Variants in COL28A1 observed in about 807,000 individuals in gnomAD.
The protein encoded by COL28A1 is collagen alpha-1(XXVIII) chain.
COL28A1 carries 161 observed loss-of-function variants against 150.2 expected under a neutral mutation model. The ratio of observed to expected loss-of-function variants is 1.07; its 90% CI spans 0.94 to 1.22. The LOEUF (loss-of-function observed/expected upper bound fraction) is 1.22, where lower values mean the gene tolerates loss of function less well. Ranked by LOEUF, COL28A1 falls within the 50% of genes most tolerant of loss-of-function variation. The pLI, the probability that COL28A1 is intolerant of heterozygous loss-of-function variation, is 0.00. For synonymous variants in COL28A1, 552 were observed against 469.7 expected (o/e 1.18, Z -2.26); for missense variants, 1,617 against 1,388.3 (o/e 1.16, Z -2.62).
rs376908218 is a variant in COL28A1 at position 7,511,111 on chromosome 7, G to T, written c.907C>A (p.Pro303Thr). 6.2e-7 allele frequency: 1 copy of T among 1,612,962 alleles called. No individual in the cohort carries two copies. Among genetic ancestry groups the T allele is most frequent in the African/African-American group, 1.3e-5 (1 of 74,882 alleles). ...CTTACCTTGTCACCTTTTATCCCTG[G>T]TTTACCACATTCCCCACGTTCACCC... ...DKGERGECGK[P>T]GIKGDKGSPG... Residue 303 changes from proline (P) to threonine (T), a missense_variant, in exon 9 of 35, where the codon CCA becomes ACA. Physicochemically the swap from Pro to Thr is conservative, Grantham distance 38 (BLOSUM62 -1). Transcript: ENST00000399429.
chr7:7,443,521 A>G (rs926453000), intron 20 of COL28A1, 64 bp downstream of exon 20: 1 of 1,593,136 alleles, frequency 6.3e-7, no homozygotes, highest in South Asian at 1.1e-5. Flanking sequence ...ATTTCTTCTA[A>G]GTTGGCTCCT....
At chr7:7,429,274 T>C (rs1331792820) in intron 25 of COL28A1, among the ~76,000 whole-genome samples, 1 of 152,188 alleles carries the variant, frequency 6.6e-6, no homozygotes, top group Non-Finnish European at 1.5e-5. Flanking sequence ...TTTGCACACA[T>C]TTGGGTCCTG....
At chr7:7,524,589 C>G (rs1211257686) in intron 3 of COL28A1, among the ~76,000 whole-genome samples, 1 of 152,178 alleles carries the variant, frequency 6.6e-6, no homozygotes, top group African/African-American at 2.4e-5. Flanking sequence ...AAAGCTCTCA[C>G]TTTTACATAC....
chr7:7,450,849 A>G (rs1786637002), intron 18 of COL28A1, among the ~76,000 whole-genome samples: 1 of 152,366 alleles, frequency 6.6e-6, no homozygotes, highest in South Asian at 2.1e-4. Context: ...TAACGCGATT[A>G]ATATCAATGA....
upstream of COL28A1, among the ~76,000 whole-genome samples, chr7:7,540,854 A>G (rs1782771747): frequency 6.6e-6 from 1 of 152,166 alleles, no homozygotes; most frequent in South Asian, 2.1e-4. Flanking sequence ...TTTCTCCTCC[A>G]GGTTTGGACA....
At chr7:7,411,892 C>T (rs917491176) in intron 27 of COL28A1, among the ~76,000 whole-genome samples, 7 of 152,306 alleles carry the variant, frequency 4.6e-5, no homozygotes, top group South Asian at 2.1e-4. Context: ...AGGAGAATGA[C>T]GGGGCATTCT....
intron 4 of COL28A1, among the ~76,000 whole-genome samples, chr7:7,523,088 T>G (rs1200673835): frequency 6.6e-6 from 1 of 151,966 alleles, no homozygotes; most frequent in Non-Finnish European, 1.5e-5. Flanking sequence ...TCCACAGGTA[T>G]AAAATAAAAA....
intron 27 of COL28A1, among the ~76,000 whole-genome samples, chr7:7,382,115 G>A (rs1781905916): frequency 6.6e-6 from 1 of 152,108 alleles, no homozygotes; most frequent in African/African-American, 2.4e-5. Flanking sequence ...TTTGAGACCA[G>A]CCTGGCCAAC....
intron 27 of COL28A1, among the ~76,000 whole-genome samples, chr7:7,399,866 A>C (rs1055121586): frequency 1.8e-4 from 28 of 152,238 alleles, no homozygotes; most frequent in Admixed American, 3.9e-4. Flanking sequence ...TTTAAGCAGC[A>C]TTCTGCTGAC....
chr7:7,526,043 G>A (rs1029565309), intron 3 of COL28A1, among the ~76,000 whole-genome samples: 2 of 152,216 alleles, frequency 1.3e-5, no homozygotes, highest in African/African-American at 4.8e-5. Flanking sequence ...GAGGTCCTAT[G>A]GAGAAATAGG....
At chr7:7,506,750 C>A (rs986788203) in intron 10 of COL28A1, among the ~76,000 whole-genome samples, 12 of 152,152 alleles carry the variant, frequency 7.9e-5, no homozygotes, top group Admixed American at 7.2e-4. Context: ...AGATAAAATG[C>A]ATAACTTTTC....
In COL28A1 at chr7:7,474,647, G is replaced by T; in HGVS notation, c.1256C>A (p.Pro419Gln). Residue 419 changes from proline to glutamine, a missense_variant, in exon 15 of 35, where the codon CCA becomes CAA. Transcript: ENST00000399429. ...GCCTTGTAATCCCTGTGGGCCAGTT[G>T]GTCCTTCAGAACCTTTTTCACCCTG... The part of the protein sequence containing the change: ...GPKGEKGSEG[P>Q]TGPQGLQGLS... 3 of 1,429,764 alleles carry T rather than the reference G, an allele frequency of 2.1e-6. No individual in the cohort carries two copies. Among genetic ancestry groups the T allele is most frequent in the Non-Finnish European group, 3.0e-6 (3 of 1,012,194 alleles). 88.6% of individuals were successfully genotyped at this position (1,429,764 alleles called of 1,614,324 possible). A position where few individuals can be genotyped will look rare whatever the true frequency, so the allele number is the denominator to read the frequency against.
intron 15 of COL28A1, among the ~76,000 whole-genome samples, chr7:7,459,931 A>G (rs947809904): frequency 3.3e-5 from 5 of 152,216 alleles, no homozygotes; most frequent in Non-Finnish European, 5.9e-5. Context: ...CCCTCAAATT[A>G]TCAAACATCC....
chr7:7,537,587 T>C (rs57076932), upstream of COL28A1, among the ~76,000 whole-genome samples: 66 of 152,320 alleles, frequency 4.3e-4, no homozygotes, highest in African/African-American at 1.5e-3. Flanking sequence ...AACTTTTAAC[T>C]CAGGCTGGTA....
chr7:7,387,284 C>T (rs17167203), intron 27 of COL28A1, among the ~76,000 whole-genome samples: 23,870 of 151,900 alleles, frequency 0.16, 2,628 homozygotes, highest in African/African-American at 0.31. Flanking sequence ...CCTCCTCGTA[C>T]GGGTTTGCTG....
chr7:7,411,411 CCT>C (rs1222087961), intron 27 of COL28A1, among the ~76,000 whole-genome samples: 6 of 152,152 alleles, frequency 3.9e-5, no homozygotes, highest in African/African-American at 9.7e-5. Flanking sequence ...TCTTCACACC[CCT>C]GTTTGGTCTC....
chr7:7,417,098 C>A (rs1286906918), intron 27 of COL28A1, among the ~76,000 whole-genome samples: 7 of 151,968 alleles, frequency 4.6e-5, no homozygotes, highest in African/African-American at 1.7e-4. Context: ...ACAACATCAT[C>A]AACATATTAG....
chr7:7,531,356 C>T lies in COL28A1; in HGVS notation c.673G>A (p.Asp225Asn). 6.8e-7 allele frequency: 1 copy of T among 1,460,928 alleles called. No individual in the cohort carries two copies. The highest frequency in any genetic ancestry group is 9.4e-7 in the Non-Finnish European group (1 of 1,064,924). 90.5% of individuals were successfully genotyped at this position (1,460,928 alleles called of 1,614,324 possible). Reference protein sequence around the residue: ...SDPTLVDKIQDRLDILFEKKC... With the variant: ...SDPTLVDKIQNRLDILFEKKC... ...ACCCATTAGGTACCTACCAGACGAT[C>T]TTGAATTTTATCTACAAGGGTTGGA... is the stretch of plus-strand genomic sequence containing the variant. The change falls in exon 3 of 35, where the codon GAT (aspartate) becomes AAT (asparagine). Residue 225 changes from aspartate to asparagine, a missense_variant. By Grantham distance (23) the Asp-to-Asn change is conservative (BLOSUM62 1). Transcript: ENST00000399429.
At chr7:7,384,972 C>T (rs1239180225) in intron 27 of COL28A1, among the ~76,000 whole-genome samples, 1 of 152,090 alleles carries the variant, frequency 6.6e-6, no homozygotes, top group East Asian at 1.9e-4. Flanking sequence ...AAAACATGCT[C>T]TAATAGGAGT....
Sources: gnomAD v4.1 joint callset for allele counts (sites outside exome capture counted in the v4.1 genomes callset) on GRCh38, gnomAD v4.1.1 for gene constraint, MANE v1.5 for transcripts, NCBI Gene and HGNC (gene_info 2026-07-23, HGNC 2026-07-21) for gene names.